VIT: variants seen among roughly 807,000 people sequenced by gnomAD.
VIT encodes the protein vitrin.
In VIT, 99 loss-of-function variants were observed where a neutral mutation model predicts 78.0. The ratio of observed to expected loss-of-function variants is 1.27; its 90% CI spans 1.08 to 1.50. The LOEUF is 1.50. VIT is among the 40% of genes most tolerant of loss of function. The pLI, the probability that VIT is intolerant of heterozygous loss-of-function variation, is 0.00. For missense variants in VIT, 1,126 were observed against 875.3 expected (o/e 1.29, Z -3.61); for synonymous variants, 374 against 334.3 (o/e 1.12, Z -1.29).
At chr2:36,735,033 A>G (rs1259428046) in intron 3 of VIT, among the ~76,000 whole-genome samples, 25 of 152,158 alleles carry the variant, frequency 1.6e-4, no homozygotes, top group East Asian at 1.9e-4. Context: ...GCGTGGTGGC[A>G]GGCACCTGTA....
chr2:36,736,466 G>A (rs534044500), intron 3 of VIT, among the ~76,000 whole-genome samples: 131 of 152,282 alleles, frequency 8.6e-4, no homozygotes, highest in African/African-American at 3.1e-3. Context: ...CCGTGCTAGA[G>A]GGAGAAAAGC....
At chr2:36,740,798 G>A (rs1010687327) in intron 3 of VIT, among the ~76,000 whole-genome samples, 2 of 152,198 alleles carry the variant, frequency 1.3e-5, no homozygotes, top group African/African-American at 4.8e-5. Flanking sequence ...GAAGTAAAAT[G>A]TGACATTTTC....
intron 6 of VIT, among the ~76,000 whole-genome samples, chr2:36,763,895 G>C (rs4670602): frequency 0.96 from 146,493 of 152,276 alleles, 70,714 homozygotes; most frequent in East Asian, 1. Context: ...AAAGACAGTT[G>C]TAATCCATGA....
chr2:36,803,839 T>C (rs1046546225), intron 13 of VIT, among the ~76,000 whole-genome samples: 2 of 152,188 alleles, frequency 1.3e-5, no homozygotes, highest in Middle Eastern at 3.2e-3. Flanking sequence ...CTTTGAGAAT[T>C]CCGTGAAAGC....
At chr2:36,723,026 GA>G (rs1270205395) in intron 2 of VIT, among the ~76,000 whole-genome samples, 1 of 150,894 alleles carries the variant, frequency 6.6e-6, no homozygotes, top group Non-Finnish European at 1.5e-5. Flanking sequence ...TGTAAAAGGG[GA>G]AAATACAGAA....
At chr2:36,791,380 C>T (rs150615808) in intron 12 of VIT, among the ~76,000 whole-genome samples, 1 of 152,266 alleles carries the variant, frequency 6.6e-6, no homozygotes, top group African/African-American at 2.4e-5. Context: ...AAGCAAAATG[C>T]CGTGTCTGGT....
intron 14 of VIT, 88 bp from the exon 15 acceptor site, chr2:36,808,384 C>T: frequency 6.8e-6 from 10 of 1,479,900 alleles, no homozygotes; most frequent in Non-Finnish European, 9.0e-6. Flanking sequence ...CTGCTTGCTT[C>T]TTCACCTGCC....
chr2:36,778,144 G>A (rs565320762), intron 9 of VIT, among the ~76,000 whole-genome samples: 6 of 152,350 alleles, frequency 3.9e-5, no homozygotes, highest in African/African-American at 1.4e-4. Flanking sequence ...TGAGCATACT[G>A]TATGTCAGAT....
chr2:36,704,722 T>C (rs1258029781), intron 1 of VIT, among the ~76,000 whole-genome samples: 1 of 152,148 alleles, frequency 6.6e-6, no homozygotes, highest in Non-Finnish European at 1.5e-5. Flanking sequence ...CTCTGGTTGC[T>C]GGGATTCAAG....
rs1664716845 is a variant in VIT, at chr2:36,696,938, A to C, written c.-54A>C. On this transcript the variant is annotated 5_prime_UTR_variant, in exon 1 of 16. Transcript: ENST00000379242. ...AAGAATATTCATTCTGTGTGGTGAA[A>C]ATTTTTTGAAAAAAAAATTGCCTTC... 6.6e-6 allele frequency: 1 copy of C among 152,090 alleles called. No homozygotes were observed. The highest frequency in any genetic ancestry group is 6.5e-5 in the Admixed American group (1 of 15,268). 9.4% of individuals were successfully genotyped at this position (152,090 alleles called of 1,614,324 possible).
chr2:36,754,940 G>C lies in VIT; in HGVS notation c.295G>C (p.Gly99Arg). ...TCATAGTGGTGTGCTTGATAATTCAGGAGGGAAAATACTTGTTCGGAAGGT... is the reference window on the plus strand; with the variant it reads ...TCATAGTGGTGTGCTTGATAATTCACGAGGGAAAATACTTGTTCGGAAGGT... The part of the protein sequence containing the change: ...AVHSGVLDNS[G>R]GKILVRKVAG... The change falls in exon 5 of 16, where the codon GGA becomes CGA. Residue 99 changes from glycine (G) to arginine (R), a missense_variant. Physicochemically the swap from Gly to Arg is moderately radical, Grantham distance 125. Transcript: ENST00000379242. The C allele has an allele frequency of 6.2e-7, 1 of 1,613,952 alleles. No individual in the cohort carries two copies. Among genetic ancestry groups the C allele is most frequent in the Non-Finnish European group, 8.5e-7 (1 of 1,179,942 alleles).
At chr2:36,797,286 C>T (rs1156783702) in intron 12 of VIT, among the ~76,000 whole-genome samples, 2 of 152,172 alleles carry the variant, frequency 1.3e-5, no homozygotes, top group South Asian at 2.1e-4. Context: ...TAATCTGTTT[C>T]TGTGAAACAC....
At position 36,799,718 on chromosome 2, in the gene VIT, G is replaced by GAA. The variant is rs11444036; in HGVS notation, c.1059-1571_1059-1570dup. Among the ~76,000 whole-genome samples, 637 of 144,636 alleles carry GAA rather than the reference G, an allele frequency of 4.4e-3. 1 individual carries two copies. Among genetic ancestry groups the GAA allele is most frequent in the South Asian group, 9.5e-3 (43 of 4,518 alleles). The allele number at this position is 144,636 out of a possible 152,430, so 94.9% of individuals were successfully genotyped here. On this transcript the variant is annotated intron_variant, in intron 12 of 15. Transcript: ENST00000379242. Reference sequence around the variant, plus strand: ...AGCAACAGAACGAAACCCTGTCTCTGAAAAAAAAAAAAAGTCTTCTCCTTC... The same window carrying GAA: ...AGCAACAGAACGAAACCCTGTCTCTGAAAAAAAAAAAAAAAGTCTTCTCCTTC...
At chr2:36,766,805 A>G (rs1669457911) in intron 6 of VIT, among the ~76,000 whole-genome samples, 1 of 152,260 alleles carries the variant, frequency 6.6e-6, no homozygotes, top group Non-Finnish European at 1.5e-5. Context: ...TGCCAGGCAA[A>G]TTAATTCAGC....
intron 6 of VIT, 152 bp downstream of exon 6, chr2:36,759,198 A>T (rs1668961205): frequency 6.4e-7 from 1 of 1,569,940 alleles, no homozygotes; most frequent in African/African-American, 1.4e-5. Flanking sequence ...GGGCACAGAA[A>T]TCAATGAGAT....
chr2:36,793,685 T>C (rs533006136), intron 12 of VIT, among the ~76,000 whole-genome samples: 12 of 150,818 alleles, frequency 8.0e-5, no homozygotes, highest in African/African-American at 2.7e-4. Context: ...TTATGTTATT[T>C]GATTGTAACC....
At chr2:36,747,864 A>G (rs1242969067) in intron 4 of VIT, among the ~76,000 whole-genome samples, 1 of 152,162 alleles carries the variant, frequency 6.6e-6, no homozygotes, top group African/African-American at 2.4e-5. Flanking sequence ...TATGAACTTA[A>G]GTGTGTTTTT....
At chr2:36,731,352 C>A (rs1667196496) in intron 3 of VIT, among the ~76,000 whole-genome samples, 2 of 152,062 alleles carry the variant, frequency 1.3e-5, no homozygotes, top group African/African-American at 4.8e-5. Context: ...CGGCTAACTG[C>A]GACCTCCACC....
chr2:36,813,321 A>G (rs1441482936), intron 15 of VIT, among the ~76,000 whole-genome samples: 3 of 151,954 alleles, frequency 2.0e-5, no homozygotes, highest in African/African-American at 4.8e-5. Context: ...GCAGTGGCAC[A>G]TGCTGTAATC....
Sources: gnomAD v4.1 joint callset for allele counts (sites outside exome capture counted in the v4.1 genomes callset) on GRCh38, gnomAD v4.1.1 for gene constraint, MANE v1.5 for transcripts, NCBI Gene and HGNC (gene_info 2026-07-23, HGNC 2026-07-21) for gene names.